The following BPIFC variants were observed in gnomAD, a reference collection of about 807,000 sequenced individuals.
BPIFC encodes the protein BPI fold containing family C.
Under a neutral mutation model 57.6 loss-of-function variants are expected in BPIFC, and 60 were observed. The ratio of observed to expected loss-of-function variants is 1.04; its 90% confidence interval spans 0.85 to 1.29. The LOEUF (loss-of-function observed/expected upper bound fraction) is 1.29. BPIFC is among the 50% of genes most tolerant of loss of function. BPIFC has a pLI of 0.00. For missense variants in BPIFC, 581 were observed against 600.5 expected, an observed-to-expected ratio of 0.97 and a Z score of 0.34; for synonymous variants, 243 against 224.5, an observed-to-expected ratio of 1.08 and a Z score of -0.74.
At position 32,446,639 on chromosome 22, in the gene BPIFC, T is replaced by C. The variant is rs74645503; in HGVS notation, c.374+573A>G. The C allele has an allele frequency of 2.8e-3, 1,479 of 524,922 alleles. 25 individuals carry two copies. In the African/African-American group the frequency reaches 0.029, roughly 10 times the overall value. 32.5% of individuals were successfully genotyped at this position (524,922 alleles called of 1,614,324 possible). The stretch of plus-strand genomic sequence containing the variant: ...GTTGTTGACTGACTTAGTGGAAGAA[T>C]GAATGTGTTATCCTGTGGCACCAAC... On this transcript the variant is annotated intron_variant, in intron 5 of 16. Transcript: ENST00000300399.
Position 32,414,368 on chromosome 22 carries a change from T to A in BPIFC, c.1459A>T (p.Ser487Cys). 1.9e-6 allele frequency: 3 copies of A among 1,614,076 alleles called. No individual in the cohort carries two copies. Among genetic ancestry groups the A allele is most frequent in the Non-Finnish European group, 2.5e-6 (3 of 1,179,958 alleles). ...TTCAGACCTTCCCATACGTGGAAAC[T>A]TGGCTGCTGCTTTGAGGATGTTTCA... Reference protein sequence around the residue: ...KYETSSKQQPSFHVWEGLNLI... With the variant: ...KYETSSKQQPCFHVWEGLNLI... The change falls in exon 17 of 17, where the codon AGT becomes TGT. Residue 487 changes from serine to cysteine, a missense_variant. Transcript: ENST00000300399.
intron 4 of BPIFC, among the ~76,000 whole-genome samples, chr22:32,452,770 AT>A (rs1322685908): frequency 2.0e-5 from 3 of 152,228 alleles, no homozygotes; most frequent in African/African-American, 7.2e-5. Context: ...ATCTTTAACA[AT>A]TGGGGCAAAT....
intron 8 of BPIFC, among the ~76,000 whole-genome samples, chr22:32,441,701 A>G (rs933946413): frequency 1.3e-5 from 2 of 152,214 alleles, no homozygotes; most frequent in African/African-American, 4.8e-5. Context: ...TAAATCCTCC[A>G]GGGTTTAGCA....
chr22:32,450,242 A>G (rs1934858545), intron 4 of BPIFC, among the ~76,000 whole-genome samples: 1 of 152,126 alleles, frequency 6.6e-6, no homozygotes, highest in Admixed American at 6.5e-5. Flanking sequence ...AGTACTTACC[A>G]TTGTATTACA....
At chr22:32,453,965 G>A (rs371580535) in intron 3 of BPIFC, among the ~76,000 whole-genome samples, 2 of 151,970 alleles carry the variant, frequency 1.3e-5, no homozygotes, top group Non-Finnish European at 2.9e-5. Context: ...TAAAAAATTA[G>A]CTGGGCATAA....
At chr22:32,447,451 C>A in intron 4 of BPIFC, 111 bp from the exon 5 acceptor site, 2 of 1,278,734 alleles carry the variant, frequency 1.6e-6, no homozygotes, top group East Asian at 2.6e-5. Flanking sequence ...ATTGTGAACT[C>A]CTACAGAGAA....
intron 2 of BPIFC, among the ~76,000 whole-genome samples, chr22:32,460,998 T>C (rs1232247664): frequency 6.6e-6 from 1 of 152,188 alleles, no homozygotes; most frequent in Non-Finnish European, 1.5e-5. Context: ...ACAGAGATGG[T>C]TAACAAAGTA....
At chr22:32,430,119 C>T (rs754027266) in intron 13 of BPIFC, among the ~76,000 whole-genome samples, 7 of 152,126 alleles carry the variant, frequency 4.6e-5, no homozygotes, top group Non-Finnish European at 8.8e-5. Context: ...GGCCTTTCAC[C>T]GTGTGTCACA....
chr22:32,438,346 G>T (rs954584933), intron 8 of BPIFC, among the ~76,000 whole-genome samples: 10 of 152,144 alleles, frequency 6.6e-5, no homozygotes, highest in African/African-American at 2.4e-4. Context: ...ATCTTTTTAG[G>T]TATACACACA....
chr22:32,457,891 G>C lies in BPIFC; in HGVS notation c.1-505C>G, dbSNP rs140461632. ...GAACATCTGATACACGATGTTGTCTGTTTGCAGGCAGGACTTCTCCTCTTA... is the reference window on the plus strand; with the variant it reads ...GAACATCTGATACACGATGTTGTCTCTTTGCAGGCAGGACTTCTCCTCTTA... On this transcript the variant is annotated intron_variant, in intron 2 of 16. Transcript: ENST00000300399. 8.5e-5 allele frequency among the ~76,000 whole-genome samples: 13 copies of C among 152,292 alleles called. No homozygotes were observed. The East Asian group carries it at 2.5e-3, about 29-fold the overall frequency.
intron 13 of BPIFC, among the ~76,000 whole-genome samples, chr22:32,424,642 C>CTTCTTCTTCTTCT (rs1556036523): frequency 3.5e-5 from 1 of 28,768 alleles, no homozygotes. Flanking sequence ...TCTTCTTCTT[C>CTTCTTCTTCTTCT]TCTTCTTCTT....
intron 9 of BPIFC, among the ~76,000 whole-genome samples, chr22:32,436,749 A>T (rs1182176225): frequency 6.6e-6 from 1 of 152,198 alleles, no homozygotes; most frequent in Non-Finnish European, 1.5e-5. Flanking sequence ...GACCTTCAAA[A>T]TCTGTGTCTG....
chr22:32,453,964 A>T (rs1209461177), intron 3 of BPIFC, among the ~76,000 whole-genome samples: 1 of 152,154 alleles, frequency 6.6e-6, no homozygotes, highest in Non-Finnish European at 1.5e-5. Context: ...TTAAAAAATT[A>T]GCTGGGCATA....
chr22:32,415,690 GGCT>G (rs1337850772), intron 16 of BPIFC, among the ~76,000 whole-genome samples: 1 of 152,142 alleles, frequency 6.6e-6, no homozygotes, highest in Non-Finnish European at 1.5e-5. Context: ...CTGTGGATTT[GGCT>G]GCTAAGTGAA....
chr22:32,449,273 T>G (rs575624210), intron 4 of BPIFC, among the ~76,000 whole-genome samples: 6 of 152,194 alleles, frequency 3.9e-5, no homozygotes, highest in African/African-American at 1.4e-4. Flanking sequence ...TTAACCAGAT[T>G]CAATCACTCA....
intron 7 of BPIFC, 77 bp from the exon 8 acceptor site, chr22:32,442,808 T>A (rs930279182): frequency 2.2e-6 from 3 of 1,393,026 alleles, no homozygotes; most frequent in African/African-American, 2.9e-5. Flanking sequence ...GCCTAGACCC[T>A]GCAAACAAAG....
chr22:32,448,875 T>C (rs1450039313), intron 4 of BPIFC, among the ~76,000 whole-genome samples: 1 of 151,296 alleles, frequency 6.6e-6, no homozygotes, highest in African/African-American at 2.4e-5. Context: ...GAGTGGAGGC[T>C]GCAGTGAGCC....
Position 32,461,514 on chromosome 22 carries a change from A to G in BPIFC, c.-1+60T>C, listed in dbSNP as rs538323572. The G allele has an allele frequency of 4.9e-5, 44 of 903,422 alleles. No homozygotes were observed. In the East Asian group the frequency reaches 4.5e-3, roughly 93 times the overall value. 56.0% of individuals were successfully genotyped at this position (903,422 alleles called of 1,614,324 possible). On this transcript the variant is annotated intron_variant, in intron 2 of 16. Coordinates refer to ENST00000300399, the MANE Select transcript of BPIFC (RefSeq NM_174932.3). ...GGGATAAGGGGGTGTAAAGCCCTCC[A>G]TGTCCTGAGAGGCAGAGTGACAGTA...
chr22:32,448,584 A>G (rs1043685845), intron 4 of BPIFC, among the ~76,000 whole-genome samples: 1 of 152,160 alleles, frequency 6.6e-6, no homozygotes, highest in East Asian at 1.9e-4. Context: ...TCAAAAGGGT[A>G]ACTAGGAGGC....
Sources: gnomAD v4.1 joint callset for allele counts (sites outside exome capture counted in the v4.1 genomes callset) on GRCh38, gnomAD v4.1.1 for gene constraint, MANE v1.5 for transcripts, NCBI Gene and HGNC (gene_info 2026-07-23, HGNC 2026-07-21) for gene names.